The following CDK13 variants were observed in gnomAD, a reference collection of about 807,000 sequenced individuals.
The protein encoded by CDK13 is cyclin dependent kinase 13.
A neutral mutation model predicts 137.6 loss-of-function variants in CDK13; 40 were observed. The observed-to-expected ratio is 0.29, with a 90% CI of 0.23 to 0.38. The LOEUF is 0.38. Ranked by LOEUF, CDK13 falls within the 10% of genes least tolerant of loss-of-function variation. The pLI, the probability that CDK13 is intolerant of heterozygous loss-of-function variation, is 1.00. For missense variants in CDK13, 1,704 were observed against 1,951.8 expected, an observed-to-expected ratio of 0.87 and a Z score of 2.39; for synonymous variants, 869 against 760.1, an observed-to-expected ratio of 1.14 and a Z score of -2.36.
At chr7:40,062,958 A>G (rs770371263) in intron 8 of CDK13, 31 bp downstream of exon 8, 2 of 1,604,298 alleles carry the variant, frequency 1.2e-6, no homozygotes, top group South Asian at 2.2e-5. Context: ...GGTTTATTTT[A>G]CTTGAAACTT....
chr7:40,061,221 A>T (rs1030930021), intron 7 of CDK13: 5 of 152,236 alleles, frequency 3.3e-5, no homozygotes, highest in African/African-American at 1.2e-4. Context: ...AAAATCACTG[A>T]GAAAAGTACA....
chr7:40,013,946 C>A (rs1784949457), intron 5 of CDK13, among the ~76,000 whole-genome samples: 1 of 150,540 alleles, frequency 6.6e-6, no homozygotes, highest in African/African-American at 2.4e-5. Context: ...ACCAAAATAT[C>A]AAAAAACTTC....
At position 39,950,880 on chromosome 7, in the gene CDK13, G is replaced by A; in HGVS notation, c.239G>A (p.Cys80Tyr). 1 of 1,360,290 alleles carries A rather than the reference G, an allele frequency of 7.4e-7. No individual in the cohort carries two copies. The highest frequency in any genetic ancestry group is 9.4e-7 in the Non-Finnish European group (1 of 1,067,248). 84.3% of individuals were successfully genotyped at this position (1,360,290 alleles called of 1,614,324 possible). Residue 80 changes from cysteine to tyrosine, a missense_variant, in exon 1 of 14, where the codon TGC (cysteine) becomes TAC (tyrosine). Physicochemically the swap from Cys to Tyr is radical, Grantham distance 194. Around this residue, in one of 5 missense-constraint regions of CDK13, gnomAD observed 1,051 missense variants for 931.0 expected, o/e 1.13. Transcript: ENST00000181839. ...GCCGCCGCCGCGGCCTCCTCCTCTTGCTTCAGCCCGGGCCCCCCTCTGGAG... is the reference window on the plus strand; with the variant it reads ...GCCGCCGCCGCGGCCTCCTCCTCTTACTTCAGCCCGGGCCCCCCTCTGGAG... ...AAAAAAASSSCFSPGPPLEVK... is the reference protein window; with the variant it reads ...AAAAAAASSSYFSPGPPLEVK...
At chr7:40,042,301 G>C (rs890126503) in intron 5 of CDK13, among the ~76,000 whole-genome samples, 13 of 151,006 alleles carry the variant, frequency 8.6e-5, no homozygotes, top group African/African-American at 3.2e-4. Context: ...GGCTGGTCTC[G>C]AACTCCTGAG....
In CDK13 at chr7:39,951,804, G is replaced by A. The variant is rs1203101412; in HGVS notation, c.1163G>A (p.Ser388Asn). The A allele has an allele frequency of 6.2e-6, 9 of 1,450,302 alleles. No individual in the cohort carries two copies. The Admixed American group carries it at 8.0e-5, about 13-fold the overall frequency. The allele number at this position is 1,450,302 out of a possible 1,614,324, so 89.8% of individuals were successfully genotyped here. ...GGCGACGTGTCCCCTAGTCCCTACAGCAGCAGCAGCTGGCGCCGCTCTCGC... is the reference window on the plus strand; with the variant it reads ...GGCGACGTGTCCCCTAGTCCCTACAACAGCAGCAGCTGGCGCCGCTCTCGC... ...RGGDVSPSPY[S>N]SSSWRRSRSP... Residue 388 changes from serine (S) to asparagine (N), a missense_variant, in exon 1 of 14, where the codon AGC becomes AAC. This residue lies in a region of CDK13 where 1,051 missense variants were observed against 931.0 expected (regional missense o/e 1.13). Coordinates refer to ENST00000181839, the MANE Select transcript of CDK13 (RefSeq NM_003718.5).
chr7:40,082,201 AT>A, intron 11 of CDK13, among the ~76,000 whole-genome samples: 2 of 152,184 alleles, frequency 1.3e-5, no homozygotes, highest in Admixed American at 1.3e-4. Context: ...ATCAAAAATG[AT>A]TTTAGGCTGG....
intron 1 of CDK13, among the ~76,000 whole-genome samples, chr7:39,971,744 G>A (rs955615445): frequency 8.5e-5 from 13 of 152,140 alleles, no homozygotes; most frequent in African/African-American, 1.2e-4. Context: ...TTAGCCGGAC[G>A]TGGTGGCGGG....
At position 39,999,401 on chromosome 7, in the gene CDK13, A is replaced by G; in HGVS notation, c.2083A>G (p.Ile695Val). 1 of 1,613,102 alleles carries G rather than the reference A, an allele frequency of 6.2e-7. No individual in the cohort carries two copies. Residue 695 changes from isoleucine to valine, a missense_variant, in exon 4 of 14, where the codon ATT becomes GTT. By Grantham distance (29) the Ile-to-Val change is conservative. This residue lies in a region of CDK13 where 130 missense variants were observed against 362.4 expected (regional missense o/e 0.36). Transcript: ENST00000181839. ...CTATGGTGAAACCAAAGAAAAAGATATTGACTGGGGAAAACGCTGCGTGGA... is the reference window on the plus strand; with the variant it reads ...CTATGGTGAAACCAAAGAAAAAGATGTTGACTGGGGAAAACGCTGCGTGGA... ...PRYGETKEKD[I>V]DWGKRCVDKF...
Position 39,966,720 on chromosome 7 carries a change from T to C in CDK13, c.1211+14868T>C, listed in dbSNP as rs189256339. Among the ~76,000 whole-genome samples the C allele has an allele frequency of 2.0e-4, 31 of 152,306 alleles. No homozygotes were observed. The East Asian group carries it at 5.4e-3, about 27-fold the overall frequency. On this transcript the variant is annotated intron_variant, in intron 1 of 13. Coordinates refer to ENST00000181839, the MANE Select transcript of CDK13 (RefSeq NM_003718.5). The stretch of plus-strand genomic sequence containing the variant: ...TTTAGATTTTTCAGTTTTTCCGCTC[T>C]GTTTTTCCCCATCTTTGTGGTTTTA...
chr7:40,090,753 C>A (rs544342202), intron 12 of CDK13, among the ~76,000 whole-genome samples: 3 of 152,272 alleles, frequency 2.0e-5, no homozygotes, highest in Admixed American at 6.5e-5. Context: ...GGCCTATATT[C>A]CCAGTTACTT....
In CDK13 at chr7:40,075,260, G is replaced by T. The variant is rs184498126; in HGVS notation, c.2781-2745G>T. ...ATGATGCATCTCAGTAGTAAATGGT[G>T]TTGGGAGTAGTTGACTGGCCACCAG... On this transcript the variant is annotated intron_variant, in intron 9 of 13. Transcript: ENST00000181839. 4.6e-5 allele frequency among the ~76,000 whole-genome samples: 7 copies of T among 152,314 alleles called. No individual in the cohort carries two copies. In the East Asian group the frequency reaches 1.2e-3, roughly 25 times the overall value.
At chr7:40,080,880 G>T (rs1786649444) in intron 11 of CDK13, among the ~76,000 whole-genome samples, 1 of 152,092 alleles carries the variant, frequency 6.6e-6, no homozygotes, top group Non-Finnish European at 1.5e-5. Flanking sequence ...ATATCTGTAA[G>T]AACTAGGACT....
At chr7:40,048,113 A>G (rs564257847) in intron 7 of CDK13, 1 of 352,126 alleles carries the variant, frequency 2.8e-6, no homozygotes, top group East Asian at 4.3e-5. Flanking sequence ...TTTTAAATGA[A>G]CATCTTTAAG....
chr7:40,073,935 G>A (rs904909653), intron 9 of CDK13, among the ~76,000 whole-genome samples: 2 of 138,990 alleles, frequency 1.4e-5, no homozygotes, highest in African/African-American at 5.4e-5. Flanking sequence ...AAGTCTTGCT[G>A]TCTGTCATCC....
rs538242329 is a variant in CDK13, at chr7:40,097,808, A to G, written c.*2828A>G. On this transcript the variant is annotated 3_prime_UTR_variant, in exon 14 of 14. Transcript: ENST00000181839. ...TCATTTGTGAAACCTTAAAATGCCA[A>G]TTTTAAGGAGTTGTCATTTGTGGAA... 6.6e-5 allele frequency: 10 copies of G among 152,114 alleles called. No homozygotes were observed. Among genetic ancestry groups the G allele is most frequent in the Non-Finnish European group, 1.5e-4 (10 of 67,964 alleles). 9.4% of individuals were successfully genotyped at this position (152,114 alleles called of 1,614,324 possible).
At chr7:40,025,728 T>C (rs1345092757) in intron 5 of CDK13, among the ~76,000 whole-genome samples, 2 of 152,226 alleles carry the variant, frequency 1.3e-5, no homozygotes, top group Non-Finnish European at 2.9e-5. Flanking sequence ...TATTTTGGAA[T>C]TAGTAATAAG....
intron 2 of CDK13, among the ~76,000 whole-genome samples, chr7:39,991,718 A>G (rs553508753): frequency 9.8e-5 from 15 of 152,320 alleles, no homozygotes; most frequent in African/African-American, 2.9e-4. Flanking sequence ...TTATCCATCT[A>G]GATTAACGAA....
At chr7:39,965,756 C>T (rs1182024756) in intron 1 of CDK13, among the ~76,000 whole-genome samples, 4 of 152,052 alleles carry the variant, frequency 2.6e-5, no homozygotes, top group Admixed American at 1.3e-4. Context: ...TGGCTCTTAC[C>T]GGTTGTTCCT....
intron 9 of CDK13, chr7:40,073,015 A>G (rs1202355329): frequency 1.3e-5 from 2 of 152,210 alleles, no homozygotes; most frequent in Non-Finnish European, 2.9e-5. Flanking sequence ...AACAGGAAAT[A>G]TGTGTGAATT....
Sources: gnomAD v4.1 joint callset for allele counts (sites outside exome capture counted in the v4.1 genomes callset) on GRCh38, gnomAD v4.1.1 for gene constraint, gnomAD v4.1.1 regional missense constraint, MANE v1.5 for transcripts, NCBI Gene and HGNC (gene_info 2026-07-23, HGNC 2026-07-21) for gene names.